The following PSMC1 variants were observed in gnomAD, a reference collection of about 807,000 sequenced individuals.
PSMC1 encodes proteasome 26S subunit, ATPase 1.
A neutral mutation model predicts 49.8 loss-of-function variants in PSMC1; 5 were observed. The ratio of observed to expected loss-of-function variants is 0.10; its 90% CI spans 0.05 to 0.21. The LOEUF (loss-of-function observed/expected upper bound fraction) is 0.21. Among genes scored for constraint, PSMC1 ranks in the 10% least tolerant of loss-of-function variants. The probability of loss-of-function intolerance (pLI) is 1.00; values close to 1 mark genes in which losing one functional copy is unlikely to be tolerated. For missense variants in PSMC1, 181 were observed against 535.7 expected, an observed-to-expected ratio of 0.34 and a Z score of 6.54; for synonymous variants, 155 against 192.1, an observed-to-expected ratio of 0.81 and a Z score of 1.60.
chr14:90,270,491 A>G, intron 10 of PSMC1, 139 bp downstream of exon 10: 1 of 944,026 alleles, frequency 1.1e-6, no homozygotes, highest in Non-Finnish European at 1.5e-6. Flanking sequence ...TTACGATTAC[A>G]TCCAAATGGT....
chr14:90,274,787 TACACACACACACACACACAC>T lies in PSMC1; in HGVS notation c.*2413_*2432del, dbSNP rs144111170. Reference sequence around the variant, plus strand: ...CAGTATAGCCCTTTAAATAGGGAACTACACACACACACACACACACACACACACACACACACACACACACA... The same window carrying T: ...CAGTATAGCCCTTTAAATAGGGAACTACACACACACACACACACACACACA... On this transcript the variant is annotated 3_prime_UTR_variant, in exon 11 of 11. Coordinates refer to ENST00000261303, the MANE Select transcript of PSMC1 (RefSeq NM_002802.3). The T allele has an allele frequency of 4.4e-4, 49 of 110,988 alleles. No individual in the cohort carries two copies. Among genetic ancestry groups the T allele is most frequent in the African/African-American group, 1.2e-3 (37 of 31,820 alleles). The allele number at this position is 110,988 out of a possible 1,614,324, so 6.9% of individuals were successfully genotyped here.
At chr14:90,260,324 C>T in intron 3 of PSMC1, 113 bp downstream of exon 3, 1 of 722,238 alleles carries the variant, frequency 1.4e-6, no homozygotes. Flanking sequence ...AACTGAAGCT[C>T]TAGCTTTGTG....
intron 8 of PSMC1, 77 bp from the exon 9 acceptor site, chr14:90,269,320 A>G (rs770787302): frequency 2.2e-5 from 29 of 1,293,746 alleles, no homozygotes; most frequent in Middle Eastern, 2.7e-4. Context: ...TTTTGTCACA[A>G]TGAGGTCTTT....
chr14:90,269,555 T>C lies in PSMC1; in HGVS notation c.1033+7T>C, dbSNP rs1891606572. On this transcript the variant is annotated splice_region_variant and intron_variant, in intron 9 of 10. Coordinates refer to ENST00000261303, the MANE Select transcript of PSMC1 (RefSeq NM_002802.3). ...CCAGCACTTATCAGACCAGGTTAAATTTGCTTTGGTTTCATCATGGAGATT... is the reference window on the plus strand; with the variant it reads ...CCAGCACTTATCAGACCAGGTTAAACTTGCTTTGGTTTCATCATGGAGATT... 1 of 1,612,608 alleles carries C rather than the reference T, an allele frequency of 6.2e-7. No individual in the cohort carries two copies. Among genetic ancestry groups the C allele is most frequent in the East Asian group, 2.2e-5 (1 of 44,852 alleles).
intron 8 of PSMC1, 28 bp downstream of exon 8, chr14:90,268,441 T>A: frequency 6.2e-7 from 1 of 1,609,134 alleles, no homozygotes; most frequent in Non-Finnish European, 8.5e-7. Context: ...TATTTTGCCT[T>A]GTTTAGTAGG....
In PSMC1 at chr14:90,274,435, T is replaced by TA. The variant is rs1387230208; in HGVS notation, c.*2029dup. ...TGGGAGCCAGGTTTCTCTGAGGAGT[T>TA]AGACACAGAAAGAAGAAAACAAGAA... On this transcript the variant is annotated 3_prime_UTR_variant, in exon 11 of 11. Coordinates refer to ENST00000261303, the MANE Select transcript of PSMC1 (RefSeq NM_002802.3). 3.9e-5 allele frequency: 6 copies of TA among 153,400 alleles called. No homozygotes were observed. The East Asian group carries it at 1.2e-3, about 30-fold the overall frequency. The allele number at this position is 153,400 out of a possible 1,614,324, so 9.5% of individuals were successfully genotyped here. A position where few individuals can be genotyped will look rare whatever the true frequency, so the allele number is the denominator to read the frequency against.
At chr14:90,257,784 G>A (rs1891324517) in intron 1 of PSMC1, among the ~76,000 whole-genome samples, 1 of 152,106 alleles carries the variant, frequency 6.6e-6, no homozygotes, top group African/African-American at 2.4e-5. Context: ...TAGAGACGGC[G>A]TTTCACTCTG....
intron 6 of PSMC1, among the ~76,000 whole-genome samples, chr14:90,264,821 G>A (rs2139646518): frequency 6.6e-6 from 1 of 152,312 alleles, no homozygotes; most frequent in Admixed American, 6.5e-5. Context: ...GCTCCAGGCT[G>A]ACTTCTACTA....
chr14:90,265,439 C>G (rs1429976584), intron 7 of PSMC1, among the ~76,000 whole-genome samples: 8 of 151,846 alleles, frequency 5.3e-5, no homozygotes, highest in Admixed American at 5.2e-4. Flanking sequence ...GCCTGTAATC[C>G]CAGTACTTTG....
chr14:90,269,284 T>C (rs1053728808), intron 8 of PSMC1, 113 bp from the exon 9 acceptor site: 3 of 927,952 alleles, frequency 3.2e-6, no homozygotes, highest in Non-Finnish European at 4.8e-6. Context: ...GCCATGTGAG[T>C]TGAAACAGGA....
chr14:90,257,247 T>C (rs1052778270), intron 1 of PSMC1, among the ~76,000 whole-genome samples: 1 of 152,188 alleles, frequency 6.6e-6, no homozygotes, highest in African/African-American at 2.4e-5. Flanking sequence ...GCTTCTGTTG[T>C]AGACACTGAG....
chr14:90,266,261 A>C (rs1891511017), intron 7 of PSMC1, among the ~76,000 whole-genome samples: 1 of 152,086 alleles, frequency 6.6e-6, no homozygotes, highest in South Asian at 2.1e-4. Flanking sequence ...TCCAAAAAAA[A>C]AAACAAAAAA....
chr14:90,261,696 T>G (rs923518257), intron 3 of PSMC1, among the ~76,000 whole-genome samples: 1 of 152,176 alleles, frequency 6.6e-6, no homozygotes, highest in Non-Finnish European at 1.5e-5. Flanking sequence ...ACTTTTACAC[T>G]GTTGGTGGGA....
intron 5 of PSMC1, 72 bp downstream of exon 5, chr14:90,263,919 C>A: frequency 1.3e-6 from 2 of 1,594,794 alleles, no homozygotes; most frequent in South Asian, 1.1e-5. Context: ...TCTTCCTGTC[C>A]CGTGGAAGTA....
At chr14:90,266,545 G>C (rs1216261224) in intron 7 of PSMC1, among the ~76,000 whole-genome samples, 1 of 152,202 alleles carries the variant, frequency 6.6e-6, no homozygotes, top group African/African-American at 2.4e-5. Context: ...GCCCCTGTGG[G>C]AGTTGAGCTA....
intron 3 of PSMC1, among the ~76,000 whole-genome samples, chr14:90,262,084 G>A (rs1016695271): frequency 6.7e-6 from 1 of 148,774 alleles, no homozygotes; most frequent in South Asian, 2.1e-4. Context: ...TCACTCATAG[G>A]TGGGAATTGA....
intron 1 of PSMC1, 90 bp downstream of exon 1, chr14:90,256,690 G>C: frequency 6.5e-7 from 1 of 1,532,266 alleles, no homozygotes; most frequent in Non-Finnish European, 8.9e-7. Context: ...GCTGCCCGAG[G>C]AACTGGGACA....
intron 7 of PSMC1, chr14:90,267,849 A>T: frequency 5.5e-6 from 1 of 183,188 alleles, no homozygotes; most frequent in South Asian, 1.1e-4. Flanking sequence ...CCCAAGACAG[A>T]CTCAACCAGA....
intron 8 of PSMC1, chr14:90,269,164 C>G: frequency 2.0e-6 from 1 of 494,988 alleles, no homozygotes; most frequent in Non-Finnish European, 3.6e-6. Flanking sequence ...AAGGCCTCAT[C>G]TCTTAGCCAC....
Sources: gnomAD v4.1 joint callset for allele counts (sites outside exome capture counted in the v4.1 genomes callset) on GRCh38, gnomAD v4.1.1 for gene constraint, MANE v1.5 for transcripts, NCBI Gene and HGNC (gene_info 2026-07-23, HGNC 2026-07-21) for gene names.